ZNF536: variants seen among roughly 807,000 people sequenced by gnomAD.
ZNF536 encodes the protein zinc finger protein 536.
ZNF536 carries 13 observed loss-of-function variants against 84.5 expected under a neutral mutation model. The observed-to-expected ratio is 0.15, with a 90% confidence interval of 0.10 to 0.24. The LOEUF (loss-of-function observed/expected upper bound fraction) is 0.24, where lower values mean the gene tolerates loss of function less well. ZNF536 is among the 10% of genes least tolerant of loss of function. ZNF536 has a pLI of 1.00. For missense variants in ZNF536, 1,536 were observed against 1,747.5 expected (o/e 0.88, Z 2.16); for synonymous variants, 811 against 742.5 (o/e 1.09, Z -1.50).
chr19:30,232,135 G>T (rs2023101718), intron 1 of ZNF536, among the ~76,000 whole-genome samples: 1 of 151,946 alleles, frequency 6.6e-6, no homozygotes, highest in Non-Finnish European at 1.5e-5. Flanking sequence ...AAGCCATCTG[G>T]CCCACCTGGG....
At chr19:30,656,517 A>T (rs1210043455) in intron 1 of ZNF536, among the ~76,000 whole-genome samples, 1 of 152,194 alleles carries the variant, frequency 6.6e-6, no homozygotes, top group Non-Finnish European at 1.5e-5. Flanking sequence ...ATGCTCATGG[A>T]ACTGTTGGCT....
chr19:30,347,732 ATCC>A lies in ZNF536; in HGVS notation c.-119-4632_-119-4630del, dbSNP rs1189626160. On this transcript the variant is annotated intron_variant, in intron 2 of 5. Coordinates refer to the ZNF536 transcript ENST00000585628. ...TCATTGTCAGAAACACCCAGAACGA[ATCC>A]TCCCCTCTTGAAGATTCAGACAGAA... Among the ~76,000 whole-genome samples the A allele has an allele frequency of 5.3e-5, 8 of 152,178 alleles. No individual in the cohort carries two copies. In the East Asian group the frequency reaches 9.7e-4, roughly 18 times the overall value.
chr19:30,573,678 G>C (rs1271947927), intron 1 of ZNF536, among the ~76,000 whole-genome samples: 1 of 152,142 alleles, frequency 6.6e-6, no homozygotes, highest in South Asian at 2.1e-4. Flanking sequence ...TTTCCTTTTA[G>C]GTATCACATG....
At chr19:30,602,134 A>G (rs1310111671) in intron 1 of ZNF536, among the ~76,000 whole-genome samples, 1 of 152,206 alleles carries the variant, frequency 6.6e-6, no homozygotes, top group Non-Finnish European at 1.5e-5. Flanking sequence ...ACAATGAAGT[A>G]TTGGGTTCTC....
At position 30,410,030 on chromosome 19, in the gene ZNF536, ATCT is replaced by A. The variant is rs1003089176; in HGVS notation, c.-2-33527_-2-33525del. Reference sequence around the variant, plus strand: ...GATATTAACCCTTTGTCTTATACACATCTTCTAATTGTTTCTTCGAAGTATTTC... The same window carrying A: ...GATATTAACCCTTTGTCTTATACACATCTAATTGTTTCTTCGAAGTATTTC... On this transcript the variant is annotated intron_variant, in intron 1 of 4. Coordinates refer to ENST00000355537, the MANE Select transcript of ZNF536 (RefSeq NM_014717.3). Among the ~76,000 whole-genome samples the A allele has an allele frequency of 1.8e-3, 279 of 152,174 alleles. 3 individuals carry two copies. The highest frequency in any genetic ancestry group is 6.4e-3 in the African/African-American group (265 of 41,506).
intron 1 of ZNF536, among the ~76,000 whole-genome samples, chr19:30,443,214 C>T (rs1019502821): frequency 2.6e-4 from 39 of 152,010 alleles, no homozygotes; most frequent in Non-Finnish European, 4.9e-4. Flanking sequence ...GGTACAGGTG[C>T]GACAATGGGG....
At chr19:30,304,367 A>G (rs1344719082) in intron 2 of ZNF536, among the ~76,000 whole-genome samples, 1 of 152,194 alleles carries the variant, frequency 6.6e-6, no homozygotes, top group Admixed American at 6.5e-5. Flanking sequence ...CAGGTCCCTT[A>G]GGCTTTCTCA....
intron 1 of ZNF536, among the ~76,000 whole-genome samples, chr19:30,234,421 G>A (rs1232596335): frequency 1.2e-4 from 2 of 16,254 alleles, no homozygotes; most frequent in African/African-American, 4.4e-4. Flanking sequence ...TTTTTTTTTT[G>A]AGACAGAGTC....
chr19:30,259,115 C>T (rs2025059105), intron 1 of ZNF536, among the ~76,000 whole-genome samples: 2 of 152,176 alleles, frequency 1.3e-5, no homozygotes, highest in Admixed American at 1.3e-4. Context: ...TGTAGCAACT[C>T]AACCCCCGCT....
At chr19:30,636,133 C>A (rs1280011566) in intron 1 of ZNF536, among the ~76,000 whole-genome samples, 1 of 152,204 alleles carries the variant, frequency 6.6e-6, no homozygotes, top group Non-Finnish European at 1.5e-5. Context: ...GGCGTGTCAT[C>A]CCTTCACAAT....
Position 30,376,033 on chromosome 19 carries a change from C to T in ZNF536, c.-3+3477C>T, listed in dbSNP as rs116299180. 5.8e-3 allele frequency among the ~76,000 whole-genome samples: 886 copies of T among 152,140 alleles called. 10 individuals are homozygous for T. Among genetic ancestry groups the T allele is most frequent in the African/African-American group, 0.02 (810 of 41,478 alleles). On this transcript the variant is annotated intron_variant, in intron 1 of 4. Transcript: ENST00000355537. ...GGTGATGAGTGTGTGAATGAGTGTG[C>T]GCGGGTGCCCACTCCATGTGAGTGT...
intron 2 of ZNF536, among the ~76,000 whole-genome samples, chr19:30,287,141 G>T (rs1023190127): frequency 1.3e-5 from 2 of 151,698 alleles, no homozygotes; most frequent in Admixed American, 1.3e-4. Context: ...CTGAAATGGT[G>T]CCTGATGCAC....
At chr19:30,657,588 C>T (rs59693088) in intron 1 of ZNF536, among the ~76,000 whole-genome samples, 3,083 of 152,322 alleles carry the variant, frequency 0.02, 102 homozygotes, top group African/African-American at 0.07. Context: ...TCTCTTCCCC[C>T]TGCACTCTCT....
At chr19:30,600,663 C>A (rs986323130) in intron 1 of ZNF536, among the ~76,000 whole-genome samples, 3 of 152,210 alleles carry the variant, frequency 2.0e-5, no homozygotes, top group Non-Finnish European at 4.4e-5. Flanking sequence ...GAGGACATAG[C>A]CTGGCCAGCA....
chr19:30,614,285 T>C (rs374671218), intron 1 of ZNF536, among the ~76,000 whole-genome samples: 1 of 152,196 alleles, frequency 6.6e-6, no homozygotes, highest in Non-Finnish European at 1.5e-5. Flanking sequence ...TTAATAATAA[T>C]TGTGGAGATT....
intron 1 of ZNF536, among the ~76,000 whole-genome samples, chr19:30,629,261 T>G (rs962753118): frequency 6.6e-6 from 1 of 152,184 alleles, no homozygotes; most frequent in Non-Finnish European, 1.5e-5. Flanking sequence ...TGCAGTGGCA[T>G]GATCACGGCT....
intron 1 of ZNF536, among the ~76,000 whole-genome samples, chr19:30,236,051 C>T (rs1456868745): frequency 1.3e-5 from 2 of 152,232 alleles, no homozygotes; most frequent in Non-Finnish European, 2.9e-5. Context: ...GGGCAGTCCC[C>T]CTCCAACAGC....
intron 1 of ZNF536, among the ~76,000 whole-genome samples, chr19:30,391,427 A>G (rs889021852): frequency 2.0e-5 from 3 of 152,290 alleles, no homozygotes; most frequent in Admixed American, 2.0e-4. Context: ...ATACAAAAAA[A>G]TAGCCGGGCA....
intron 1 of ZNF536, among the ~76,000 whole-genome samples, chr19:30,409,035 C>T (rs1167300498): frequency 6.7e-6 from 1 of 149,216 alleles, no homozygotes; most frequent in Non-Finnish European, 1.5e-5. Context: ...TCCATCCATC[C>T]ACTCATTCAT....
Sources: gnomAD v4.1 joint callset for allele counts (sites outside exome capture counted in the v4.1 genomes callset) on GRCh38, gnomAD v4.1.1 for gene constraint, MANE v1.5 for transcripts, NCBI Gene and HGNC (gene_info 2026-07-23, HGNC 2026-07-21) for gene names.